AGMO: variants seen among roughly 807,000 people sequenced by gnomAD.
AGMO encodes the protein alkylglycerol monooxygenase, also known as glyceryl-ether monooxygenase.
In AGMO, 75 loss-of-function variants were observed where a neutral mutation model predicts 60.2. The ratio of observed to expected loss-of-function variants is 1.25; its 90% CI spans 1.03 to 1.51. The LOEUF is 1.51. Ranked by LOEUF, AGMO falls within the 40% of genes most tolerant of loss-of-function variation. The pLI, the probability that AGMO is intolerant of heterozygous loss-of-function variation, is 0.00. For synonymous variants in AGMO, 261 were observed against 177.1 expected (o/e 1.47, Z -3.76); for missense variants, 763 against 525.5 (o/e 1.45, Z -4.42).
At chr7:15,396,445 G>C (rs143289888) in intron 5 of AGMO, 1 of 152,262 alleles carries the variant, frequency 6.6e-6, no homozygotes, top group Non-Finnish European at 1.5e-5. Flanking sequence ...AAGTGAAGCT[G>C]CACACCTTCC....
At chr7:15,517,992 G>A (rs1783866996) in intron 3 of AGMO, among the ~76,000 whole-genome samples, 1 of 152,110 alleles carries the variant, frequency 6.6e-6, no homozygotes, top group Non-Finnish European at 1.5e-5. Flanking sequence ...TGGGGGAGGG[G>A]CATCACCATT....
intron 3 of AGMO, among the ~76,000 whole-genome samples, chr7:15,492,790 A>G (rs1473200925): frequency 6.6e-6 from 1 of 152,094 alleles, no homozygotes; most frequent in Non-Finnish European, 1.5e-5. Context: ...AAAGAGAAAA[A>G]GGGGAAGGAA....
chr7:15,381,361 G>A (rs899876379), intron 10 of AGMO, among the ~76,000 whole-genome samples: 3 of 151,872 alleles, frequency 2.0e-5, no homozygotes, highest in African/African-American at 4.8e-5. Context: ...ATAAAAAAGT[G>A]GGCGAAGAAC....
chr7:15,205,396 C>A (rs183671802), intron 12 of AGMO, among the ~76,000 whole-genome samples: 11 of 151,062 alleles, frequency 7.3e-5, no homozygotes, highest in Admixed American at 4.6e-4. Context: ...GAAAAAAAAT[C>A]TCTGAAATTG....
rs1303488649 is a variant in AGMO at position 15,300,316 on chromosome 7, CAACA to C, written c.1263+65194_1263+65197del. ...AGCAAAACTGGTTAGTGTCTTTCAC[CAACA>C]AACATAGAGTCCAGATTGATGGTTT... On this transcript the variant is annotated intron_variant, in intron 12 of 12. Coordinates refer to ENST00000342526, the MANE Select transcript of AGMO (RefSeq NM_001004320.2). Among the ~76,000 whole-genome samples the C allele has an allele frequency of 7.9e-5, 12 of 152,162 alleles. No individual in the cohort carries two copies. In the South Asian group the frequency reaches 2.3e-3, roughly 29 times the overall value.
At chr7:15,468,609 A>G (rs1240639875) in intron 3 of AGMO, among the ~76,000 whole-genome samples, 1 of 152,120 alleles carries the variant, frequency 6.6e-6, no homozygotes, top group East Asian at 1.9e-4. Flanking sequence ...CGTGCCTTAG[A>G]GATATAAATT....
intron 12 of AGMO, among the ~76,000 whole-genome samples, chr7:15,290,543 C>A (rs1784233982): frequency 6.6e-6 from 1 of 152,100 alleles, no homozygotes; most frequent in Admixed American, 6.5e-5. Context: ...CTCTCATATG[C>A]TTTCTGTTGT....
At position 15,442,778 on chromosome 7, in the gene AGMO, C is replaced by A. The variant is rs186264840; in HGVS notation, c.410-11670G>T. Among the ~76,000 whole-genome samples, 684 of 152,162 alleles carry A rather than the reference C, an allele frequency of 4.5e-3. 5 individuals carry two copies. The highest frequency in any genetic ancestry group is 0.016 in the African/African-American group (647 of 41,518). On this transcript the variant is annotated intron_variant, in intron 3 of 12. Coordinates refer to ENST00000342526, the MANE Select transcript of AGMO (RefSeq NM_001004320.2). ...AAGACCACCCTGGCCTGCCACACCC[C>A]CATCCTGTGCCTAAAAAAACCTGAG...
chr7:15,378,286 G>C (rs1028061723), intron 10 of AGMO, among the ~76,000 whole-genome samples: 1 of 151,938 alleles, frequency 6.6e-6, no homozygotes, highest in African/African-American at 2.4e-5. Context: ...GAATAATTTG[G>C]TTACTAACTT....
At chr7:15,322,304 A>T (rs1357644993) in intron 12 of AGMO, among the ~76,000 whole-genome samples, 2 of 147,926 alleles carry the variant, frequency 1.4e-5, no homozygotes, top group Admixed American at 1.4e-4. Context: ...AGCACTAAGT[A>T]AACTTTATAG....
chr7:15,303,445 AAGAG>A (rs79961233), intron 12 of AGMO, among the ~76,000 whole-genome samples: 12 of 151,908 alleles, frequency 7.9e-5, no homozygotes, highest in East Asian at 1.9e-4. Flanking sequence ...AGAAAAAAAA[AAGAG>A]AGAGAAGGGG....
the AGMO span, among the ~76,000 whole-genome samples, chr7:15,147,428 G>A: frequency 6.6e-6 from 1 of 152,076 alleles, no homozygotes; most frequent in Non-Finnish European, 1.5e-5. Flanking sequence ...GGACGTGTAG[G>A]GGAACTCCTC....
chr7:15,424,527 A>C (rs1159641039), intron 4 of AGMO, among the ~76,000 whole-genome samples: 2 of 152,224 alleles, frequency 1.3e-5, no homozygotes, highest in Non-Finnish European at 2.9e-5. Context: ...TGAAAATCAG[A>C]GAATAATTTT....
At chr7:15,260,495 C>G (rs546571326) in intron 12 of AGMO, among the ~76,000 whole-genome samples, 57 of 152,164 alleles carry the variant, frequency 3.7e-4, no homozygotes, top group African/African-American at 1.4e-3. Flanking sequence ...GCACTTAACA[C>G]TGGAGGTCCC....
intron 12 of AGMO, among the ~76,000 whole-genome samples, chr7:15,262,878 A>G (rs994433108): frequency 3.3e-5 from 5 of 152,114 alleles, no homozygotes; most frequent in South Asian, 2.1e-4. Flanking sequence ...GGCAAGCCAC[A>G]TGTAGAAGAA....
intron 5 of AGMO, among the ~76,000 whole-genome samples, chr7:15,406,721 G>GGAA (rs1562491522): frequency 3.0e-4 from 22 of 73,178 alleles, no homozygotes; most frequent in African/African-American, 4.8e-4. Context: ...GTATATATAT[G>GGAA]TATATACACA....
chr7:15,330,431 C>CA (rs771824035), intron 12 of AGMO, among the ~76,000 whole-genome samples: 34 of 152,080 alleles, frequency 2.2e-4, no homozygotes, highest in Non-Finnish European at 3.7e-4. Context: ...ATTTCACTGT[C>CA]AAAAACAGAA....
At chr7:15,432,176 A>T (rs1232083089) in intron 3 of AGMO, among the ~76,000 whole-genome samples, 1 of 151,538 alleles carries the variant, frequency 6.6e-6, no homozygotes, top group Admixed American at 6.6e-5. Flanking sequence ...GCTTGGATGT[A>T]TAGGAACTAA....
intron 12 of AGMO, chr7:15,358,585 C>A (rs201106986): frequency 2.9e-6 from 1 of 340,140 alleles, no homozygotes; most frequent in South Asian, 2.4e-5. Flanking sequence ...CTCAGTCCCT[C>A]CCCAAGATAA....
Sources: allele counts gnomAD v4.1 joint callset (sites outside exome capture counted in the v4.1 genomes callset), GRCh38; gene constraint gnomAD v4.1.1; transcripts MANE v1.5; gene names NCBI Gene and HGNC (gene_info 2026-07-23, HGNC 2026-07-21).